The following BCAR3 variants were observed in gnomAD, a reference collection of about 807,000 sequenced individuals.
BCAR3 encodes the protein BCAR3 adaptor protein, NSP family member, also known as breast cancer anti-estrogen resistance protein 3.
BCAR3 carries 37 observed loss-of-function variants against 80.1 expected under a neutral mutation model. The observed-to-expected ratio is 0.46, with a 90% confidence interval of 0.36 to 0.61. BCAR3 has a LOEUF of 0.61. BCAR3 is among the 20% of genes least tolerant of loss of function. The probability of loss-of-function intolerance (pLI) is 0.00; values close to 1 mark genes in which losing one functional copy is unlikely to be tolerated. For missense variants in BCAR3, 978 were observed against 1,068.2 expected, an observed-to-expected ratio of 0.92 and a Z score of 1.18; for synonymous variants, 389 against 418.9, an observed-to-expected ratio of 0.93 and a Z score of 0.87.
At chr1:93,676,193 T>C (rs1268023088) in intron 1 of BCAR3, among the ~76,000 whole-genome samples, 1 of 152,144 alleles carries the variant, frequency 6.6e-6, no homozygotes, top group Admixed American at 6.5e-5. Flanking sequence ...ATAGCACTAC[T>C]GCAGAGTCAG....
At chr1:93,578,166 CCTT>C (rs1206526882) in intron 7 of BCAR3, among the ~76,000 whole-genome samples, 3 of 152,208 alleles carry the variant, frequency 2.0e-5, no homozygotes, top group Non-Finnish European at 4.4e-5. Context: ...ACCCTCTGCT[CCTT>C]CTTCCACTGC....
intron 2 of BCAR3, among the ~76,000 whole-genome samples, chr1:93,820,713 G>T (rs1040336909): frequency 1.3e-5 from 2 of 152,088 alleles, no homozygotes; most frequent in African/African-American, 4.8e-5. Context: ...CGTTACATAG[G>T]CATGATTGAT....
chr1:93,659,222 C>G (rs1339191108), intron 2 of BCAR3, among the ~76,000 whole-genome samples: 3 of 152,156 alleles, frequency 2.0e-5, no homozygotes, highest in African/African-American at 7.2e-5. Flanking sequence ...TGCTGTTGCC[C>G]AGGCTGGAGT....
intron 3 of BCAR3, among the ~76,000 whole-genome samples, chr1:93,597,043 A>G (rs935687319): frequency 6.6e-6 from 1 of 152,208 alleles, no homozygotes; most frequent in Non-Finnish European, 1.5e-5. Context: ...GGCAGGGCTC[A>G]TATCTTGTGC....
At chr1:93,694,565 G>A (rs1237978403) in intron 3 of BCAR3, among the ~76,000 whole-genome samples, 1 of 151,616 alleles carries the variant, frequency 6.6e-6, no homozygotes, top group Non-Finnish European at 1.5e-5. Context: ...CTTCTCTATA[G>A]TCCCCTTCTC....
chr1:93,692,906 A>AG (rs1411324386), intron 3 of BCAR3, among the ~76,000 whole-genome samples: 1 of 152,190 alleles, frequency 6.6e-6, no homozygotes, highest in Non-Finnish European at 1.5e-5. Flanking sequence ...TTTCAGACAT[A>AG]GGGTCAGAGT....
At chr1:93,645,278 A>C (rs535624653) in intron 2 of BCAR3, among the ~76,000 whole-genome samples, 2 of 145,926 alleles carry the variant, frequency 1.4e-5, no homozygotes. Context: ...TTCAAGGGGG[A>C]AAAAAAAAAA....
intron 2 of BCAR3, among the ~76,000 whole-genome samples, chr1:93,810,566 G>T (rs577861185): frequency 2.0e-5 from 3 of 152,264 alleles, no homozygotes; most frequent in African/African-American, 7.2e-5. Flanking sequence ...TGTCCCTGCA[G>T]CATCATCCTT....
At chr1:93,568,017 TCTCTA>T (rs1408254946) in intron 9 of BCAR3, 166 bp from the exon 10 acceptor site, 2 of 526,242 alleles carry the variant, frequency 3.8e-6, no homozygotes, top group Non-Finnish European at 6.9e-6. Flanking sequence ...TGAAACCCTG[TCTCTA>T]CTCAAATACA....
At chr1:93,591,789 A>G (rs1674209511) in intron 4 of BCAR3, among the ~76,000 whole-genome samples, 1 of 152,138 alleles carries the variant, frequency 6.6e-6, no homozygotes, top group South Asian at 2.1e-4. Flanking sequence ...GAAGTGATGG[A>G]GAGTGTGAAT....
Position 93,777,441 on chromosome 1 carries a change from TTCC to T in BCAR3, c.-63+68123_-63+68125del, listed in dbSNP as rs199790581. 6.8e-3 allele frequency among the ~76,000 whole-genome samples: 917 copies of T among 135,364 alleles called. 6 individuals are homozygous for T. Among genetic ancestry groups the T allele is most frequent in the African/African-American group, 0.025 (862 of 33,844 alleles). 88.8% of individuals were successfully genotyped at this position (135,364 alleles called of 152,430 possible). ...CCTCCTCCTCTTCCTCCTCCTCCTC[TTCC>T]TCCTCCTCCTCTTCCTCCTCCTCTT... On this transcript the variant is annotated intron_variant, in intron 2 of 13. Coordinates refer to the BCAR3 transcript ENST00000370244.
chr1:93,672,343 G>T (rs1369929045), intron 2 of BCAR3, among the ~76,000 whole-genome samples: 1 of 151,944 alleles, frequency 6.6e-6, no homozygotes, highest in Non-Finnish European at 1.5e-5. Flanking sequence ...CCCCTAGTGT[G>T]GAGTTTCCCT....
chr1:93,632,261 C>T (rs1006851445), intron 3 of BCAR3, among the ~76,000 whole-genome samples: 5 of 152,186 alleles, frequency 3.3e-5, no homozygotes, highest in Admixed American at 2.0e-4. Context: ...TGCAAACAGC[C>T]TAGAGCAAGG....
At chr1:93,734,913 C>T (rs1650923125) in intron 2 of BCAR3, among the ~76,000 whole-genome samples, 1 of 152,136 alleles carries the variant, frequency 6.6e-6, no homozygotes, top group Non-Finnish European at 1.5e-5. Flanking sequence ...AGTGGTCCTC[C>T]CTCACTCCCA....
chr1:93,690,151 T>G (rs1281148392), intron 3 of BCAR3, among the ~76,000 whole-genome samples: 2 of 152,228 alleles, frequency 1.3e-5, no homozygotes, highest in Non-Finnish European at 2.9e-5. Context: ...GCCCTTTTCA[T>G]GTGAAAATAA....
chr1:93,845,358 C>T (rs1031063580), intron 2 of BCAR3, among the ~76,000 whole-genome samples: 1 of 151,470 alleles, frequency 6.6e-6, no homozygotes, highest in African/African-American at 2.4e-5. Context: ...TAAATAAATA[C>T]AATTTAAAAC....
intron 2 of BCAR3, among the ~76,000 whole-genome samples, chr1:93,771,729 G>T (rs924741564): frequency 6.6e-6 from 1 of 152,138 alleles, no homozygotes; most frequent in Non-Finnish European, 1.5e-5. Context: ...AACACCTCAC[G>T]CAACACAAGA....
At chr1:93,733,352 C>A (rs1445936374) in intron 2 of BCAR3, among the ~76,000 whole-genome samples, 1 of 152,132 alleles carries the variant, frequency 6.6e-6, no homozygotes, top group Non-Finnish European at 1.5e-5. Context: ...CACCCCCCGA[C>A]CCACCTTACA....
chr1:93,642,470 T>C, intron 2 of BCAR3, 127 bp from the exon 3 acceptor site: 1 of 866,846 alleles, frequency 1.2e-6, no homozygotes, highest in Non-Finnish European at 1.9e-6. Flanking sequence ...TCCCAGGCAG[T>C]ATTCACAACA....
Sources: allele counts gnomAD v4.1 joint callset (sites outside exome capture counted in the v4.1 genomes callset), GRCh38; gene constraint gnomAD v4.1.1; transcripts MANE v1.5; gene names NCBI Gene and HGNC (gene_info 2026-07-23, HGNC 2026-07-21).